Variants in NTM observed in about 807,000 individuals in gnomAD.
NTM encodes the protein neurotrimin.
NTM carries 13 observed loss-of-function variants against 42.1 expected under a neutral mutation model. That is an observed-to-expected ratio of 0.31 (90% CI 0.20 to 0.49). The LOEUF is 0.49. Among genes scored for constraint, NTM ranks in the 20% least tolerant of loss-of-function variants. The pLI is 0.99. For synonymous variants in NTM, 187 were observed against 179.2 expected, an observed-to-expected ratio of 1.04 and a Z score of -0.35; for missense variants, 373 against 452.8, an observed-to-expected ratio of 0.82 and a Z score of 1.60.
At chr11:131,678,593 T>C (rs530022691) in intron 1 of NTM, among the ~76,000 whole-genome samples, 3 of 152,244 alleles carry the variant, frequency 2.0e-5, no homozygotes, top group Non-Finnish European at 4.4e-5. Context: ...GTTTTAGACA[T>C]TCTACTGCCC....
intron 1 of NTM, among the ~76,000 whole-genome samples, chr11:131,466,190 G>A (rs1002380796): frequency 3.9e-5 from 6 of 152,218 alleles, no homozygotes; most frequent in Non-Finnish European, 7.3e-5. Context: ...GATAAATCAA[G>A]GGGCAGAGAG....
chr11:131,467,269 A>T (rs1229023151), intron 1 of NTM, among the ~76,000 whole-genome samples: 2 of 152,172 alleles, frequency 1.3e-5, no homozygotes, highest in Non-Finnish European at 2.9e-5. Flanking sequence ...TAACTCAGAG[A>T]AGCCCTTGCT....
chr11:131,586,729 G>A (rs1242984291), intron 1 of NTM, among the ~76,000 whole-genome samples: 1 of 152,116 alleles, frequency 6.6e-6, no homozygotes, highest in African/African-American at 2.4e-5. Flanking sequence ...TTAATACAAT[G>A]GGTTTTCTAT....
intron 1 of NTM, among the ~76,000 whole-genome samples, chr11:131,596,317 A>G (rs2137340552): frequency 6.6e-6 from 1 of 152,328 alleles, no homozygotes; most frequent in African/African-American, 2.4e-5. Flanking sequence ...TATATTTAGT[A>G]AAGAGTGAGA....
At position 131,658,350 on chromosome 11, in the gene NTM, G is replaced by A. The variant is rs567664465; in HGVS notation, c.83-253214G>A. ...AAACTTTATTTTTGGAGCAGTTTTAGGTTCCAGTAAAATAAGGGGAAAATA... is the reference window on the plus strand; with the variant it reads ...AAACTTTATTTTTGGAGCAGTTTTAAGTTCCAGTAAAATAAGGGGAAAATA... On this transcript the variant is annotated intron_variant, in intron 1 of 8. Coordinates refer to ENST00000683400, the MANE Select transcript of NTM (RefSeq NM_001352005.2). Among the ~76,000 whole-genome samples, 16 of 152,218 alleles carry A rather than the reference G, an allele frequency of 1.1e-4. No individual in the cohort carries two copies. In the South Asian group the frequency reaches 3.3e-3, roughly 32 times the overall value.
rs532698999 is a variant in NTM, at chr11:131,698,558, C to A, written c.83-213006C>A. On this transcript the variant is annotated intron_variant, in intron 1 of 8. Coordinates refer to ENST00000683400, the MANE Select transcript of NTM (RefSeq NM_001352005.2). ...AGGGAATTGTGATTTCCTTTAAAAA[C>A]CAGACATTTCCCATTGGAAAAAAAA... 2.7e-4 allele frequency among the ~76,000 whole-genome samples: 41 copies of A among 152,196 alleles called. 1 individual carries two copies. The highest frequency in any genetic ancestry group is 1.9e-3 in the South Asian group (9 of 4,810).
intron 2 of NTM, among the ~76,000 whole-genome samples, chr11:132,041,597 G>GCACGT (rs1243736612): frequency 7.9e-5 from 12 of 152,134 alleles, no homozygotes; most frequent in African/African-American, 2.7e-4. Context: ...GGGTATGAAC[G>GCACGT]TGCAATCATT....
At chr11:132,304,336 T>C (rs1157886357) in intron 4 of NTM, among the ~76,000 whole-genome samples, 1 of 152,038 alleles carries the variant, frequency 6.6e-6, no homozygotes, top group East Asian at 1.9e-4. Flanking sequence ...CATAGGGTTA[T>C]ATCAAGTGGT....
intron 2 of NTM, among the ~76,000 whole-genome samples, chr11:131,973,508 C>T (rs1011142007): frequency 6.6e-6 from 1 of 152,146 alleles, no homozygotes; most frequent in Non-Finnish European, 1.5e-5. Context: ...TTGTTCTTCT[C>T]ATCTTGTTTT....
chr11:131,984,087 T>G (rs1167566110), intron 2 of NTM, among the ~76,000 whole-genome samples: 1 of 152,242 alleles, frequency 6.6e-6, no homozygotes, highest in Non-Finnish European at 1.5e-5. Flanking sequence ...GTAGCAATCA[T>G]AGCTACAGTA....
chr11:132,202,839 A>C (rs1400327159), intron 3 of NTM, among the ~76,000 whole-genome samples: 1 of 152,206 alleles, frequency 6.6e-6, no homozygotes, highest in African/African-American at 2.4e-5. Context: ...GTTTATGACT[A>C]ATCCTGAAAA....
At position 131,598,766 on chromosome 11, in the gene NTM, T is replaced by TTTTTC. The variant is rs2060110505; in HGVS notation, c.82+227881_82+227882insTCTTT. Among the ~76,000 whole-genome samples, 4 of 33,930 alleles carry TTTTTC rather than the reference T, an allele frequency of 1.2e-4. 1 individual carries two copies. Among genetic ancestry groups the TTTTTC allele is most frequent in the African/African-American group, 3.3e-4 (4 of 12,028 alleles). 22.3% of individuals were successfully genotyped at this position (33,930 alleles called of 152,430 possible). Reference sequence around the variant, plus strand: ...TTCTTTCTTTCTTTCTTCTTTCTTTTTTTCTTTCTTTCTTTCTTCTTTCTT... The same window carrying TTTTTC: ...TTCTTTCTTTCTTTCTTCTTTCTTTTTTTTCTTTCTTTCTTTCTTTCTTCTTTCTT... On this transcript the variant is annotated intron_variant, in intron 1 of 8. Transcript: ENST00000683400.
intron 1 of NTM, among the ~76,000 whole-genome samples, chr11:131,477,896 G>T (rs1189178868): frequency 6.6e-6 from 1 of 150,938 alleles, no homozygotes; most frequent in Non-Finnish European, 1.5e-5. Flanking sequence ...AGGCCACCAG[G>T]TTCTGACAAT....
At chr11:131,493,054 CAAAAAAAA>C (rs1411771829) in intron 1 of NTM, among the ~76,000 whole-genome samples, 1 of 150,798 alleles carries the variant, frequency 6.6e-6, no homozygotes, top group Admixed American at 6.6e-5. Context: ...TCGTCACTAC[CAAAAAAAA>C]GAAAAAAATA....
At chr11:131,673,902 G>A (rs914202978) in intron 1 of NTM, among the ~76,000 whole-genome samples, 2 of 152,228 alleles carry the variant, frequency 1.3e-5, no homozygotes, top group Admixed American at 1.3e-4. Context: ...TCCCCCGTCT[G>A]TTGGTGTCAG....
intron 1 of NTM, among the ~76,000 whole-genome samples, chr11:131,853,200 C>T (rs867581290): frequency 1.3e-5 from 2 of 152,028 alleles, no homozygotes; most frequent in Admixed American, 1.3e-4. Flanking sequence ...ATGTTCTACA[C>T]AGTCTGAGCA....
At chr11:131,484,667 TGA>T (rs1313761366) in intron 1 of NTM, among the ~76,000 whole-genome samples, 1 of 152,134 alleles carries the variant, frequency 6.6e-6, no homozygotes, top group African/African-American at 2.4e-5. Context: ...CCAGGAGCAA[TGA>T]GAGTCAGCCC....
At chr11:131,393,942 G>A (rs771927734) in intron 1 of NTM, among the ~76,000 whole-genome samples, 1 of 152,332 alleles carries the variant, frequency 6.6e-6, no homozygotes, top group Non-Finnish European at 1.5e-5. Flanking sequence ...AATGCAAGCC[G>A]ATTAATCCTA....
chr11:132,097,084 T>C, intron 2 of NTM, among the ~76,000 whole-genome samples: 1 of 152,208 alleles, frequency 6.6e-6, no homozygotes, highest in East Asian at 1.9e-4. Context: ...GGACTTAATC[T>C]CTAGGTAGAT....
Sources: allele counts gnomAD v4.1 joint callset (sites outside exome capture counted in the v4.1 genomes callset), GRCh38; gene constraint gnomAD v4.1.1; transcripts MANE v1.5; gene names NCBI Gene and HGNC (gene_info 2026-07-23, HGNC 2026-07-21).